DNAJB11: variants seen among roughly 807,000 people sequenced by gnomAD.
The protein encoded by DNAJB11 is DnaJ heat shock protein family (Hsp40) member B11.
A neutral mutation model predicts 47.2 loss-of-function variants in DNAJB11; 30 were observed. The ratio of observed to expected loss-of-function variants is 0.64; its 90% CI spans 0.48 to 0.86. DNAJB11 has a LOEUF of 0.86. Among genes scored for constraint, DNAJB11 ranks in the 40% least tolerant of loss-of-function variants. The pLI is 0.00. For synonymous variants in DNAJB11, 151 were observed against 159.9 expected (o/e 0.94, Z 0.42); for missense variants, 357 against 440.2 (o/e 0.81, Z 1.69).
At chr3:186,571,022 T>TGGGTGGGGGGGGGGG in intron 1 of DNAJB11, 57 bp downstream of exon 1, 2 of 208,304 alleles carry the variant, frequency 9.6e-6, no homozygotes, top group Non-Finnish European at 9.4e-6. Flanking sequence ...TGCTGGGGGG[T>TGGGTGGGGGGGGGGG]GGGAGGGGGT....
At chr3:186,575,617 A>T (rs533717384) in intron 2 of DNAJB11, among the ~76,000 whole-genome samples, 1 of 152,220 alleles carries the variant, frequency 6.6e-6, no homozygotes, top group Admixed American at 6.5e-5. Context: ...AGAACTTTAA[A>T]TTAAAAACAT....
intron 7 of DNAJB11, among the ~76,000 whole-genome samples, chr3:186,583,064 TGAA>T (rs753486578): frequency 6.6e-6 from 1 of 152,238 alleles, no homozygotes; most frequent in Non-Finnish European, 1.5e-5. Context: ...AGATTTTAGC[TGAA>T]GAAGTATGGC....
chr3:186,577,160 G>A (rs1205741392), intron 3 of DNAJB11, among the ~76,000 whole-genome samples: 1 of 152,106 alleles, frequency 6.6e-6, no homozygotes, highest in African/African-American at 2.4e-5. Flanking sequence ...CAAGATTTTT[G>A]TGTAGAGCAG....
At chr3:186,577,404 G>T (rs1329324185) in intron 3 of DNAJB11, among the ~76,000 whole-genome samples, 2 of 152,140 alleles carry the variant, frequency 1.3e-5, no homozygotes, top group African/African-American at 4.8e-5. Context: ...GTGTGTGTAT[G>T]TACTGTACTA....
intron 8 of DNAJB11, among the ~76,000 whole-genome samples, chr3:186,584,222 T>A (rs1469434921): frequency 1.3e-5 from 2 of 152,252 alleles, no homozygotes. Context: ...AAAACCTTTC[T>A]TTGTTTACTT....
chr3:186,582,138 A>G, intron 6 of DNAJB11, 61 bp downstream of exon 6: 1 of 1,251,866 alleles, frequency 8.0e-7, no homozygotes, highest in Non-Finnish European at 1.2e-6. Flanking sequence ...CTTGTTTGTG[A>G]ATACCTTTCA....
chr3:186,570,948 C>A lies in DNAJB11; in HGVS notation c.51C>A (p.Ile17=). The A allele has an allele frequency of 7.4e-7, 1 of 1,358,804 alleles. No homozygotes were observed. Among genetic ancestry groups the A allele is most frequent in the Non-Finnish European group, 9.8e-7 (1 of 1,023,338 alleles). The allele number at this position is 1,358,804 out of a possible 1,614,324, so 84.2% of individuals were successfully genotyped here. Reference sequence around the variant, plus strand: ...TTTGCCTGTTGCTGCTATACCTCATCGGGGCGGTGATTGCCGGGTGAGGAA... The same window carrying A: ...TTTGCCTGTTGCTGCTATACCTCATAGGGGCGGTGATTGCCGGGTGAGGAA... ...STFCLLLLYL[I]GAVIAGRDFY... The change falls in exon 1 of 10, where the codon ATC becomes ATA. Residue 17 remains isoleucine (I), a synonymous_variant. Transcript: ENST00000265028.
chr3:186,585,185 G>T (rs139798431), intron 9 of DNAJB11, among the ~76,000 whole-genome samples, 159 bp from the exon 10 acceptor site: 5 of 152,132 alleles, frequency 3.3e-5, no homozygotes, highest in African/African-American at 1.2e-4. Flanking sequence ...CATGTGTGGG[G>T]TTACCTACAT....
At chr3:186,581,101 A>G (rs563976579) in intron 4 of DNAJB11, 19 of 348,782 alleles carry the variant, frequency 5.4e-5, no homozygotes, top group Non-Finnish European at 4.2e-5. Context: ...GATATCATAC[A>G]CTTTATTTTT....
intron 5 of DNAJB11, 90 bp from the exon 6 acceptor site, chr3:186,581,905 C>G (rs755739463): frequency 3.7e-6 from 4 of 1,078,674 alleles, no homozygotes; most frequent in Middle Eastern, 2.5e-4. Context: ...CAAGAAAAAG[C>G]TCTGATAAAA....
In DNAJB11 at chr3:186,577,776, A is replaced by G; in HGVS notation, c.432A>G (p.Glu144=). ...IIVDLEVTLE[E]VYAGNFVEVV... ...TAGATCTAGAAGTCACTTTGGAAGA[A>G]GTATATGCAGGAAATTTTGTGGAAG... Residue 144 remains glutamate (E), a synonymous_variant, in exon 4 of 10, where the codon GAA becomes GAG. Transcript: ENST00000265028. The G allele has an allele frequency of 6.2e-7, 1 of 1,603,284 alleles. No homozygotes were observed. The highest frequency in any genetic ancestry group is 1.1e-5 in the South Asian group (1 of 88,358).
intron 9 of DNAJB11, 26 bp downstream of exon 9, chr3:186,584,615 GTGTGTGTT>G: frequency 6.6e-7 from 1 of 1,513,056 alleles, no homozygotes; most frequent in Admixed American, 2.4e-5. Context: ...GTGTGTGTGT[GTGTGTGTT>G]TGTGTGTGTG....
rs779151489 is a variant in DNAJB11 at position 186,584,500 on chromosome 3, A to G, written c.923A>G (p.Asn308Ser). 78 of 1,601,810 alleles carry G rather than the reference A, an allele frequency of 4.9e-5. No individual in the cohort carries two copies. In the Admixed American group the frequency reaches 1.1e-3, roughly 22 times the overall value. Residue 308 changes from asparagine (N) to serine (S), a missense_variant, in exon 9 of 10, where the codon AAC (asparagine) becomes AGC (serine). Asn to Ser is a conservative substitution (Grantham distance 46, BLOSUM62 1). Coordinates refer to ENST00000265028, the MANE Select transcript of DNAJB11 (RefSeq NM_016306.6). ...TGGAAGAAAGGGGAAGGGCTCCCCA[A>G]CTTTGACAACAACAATATCAAGGGC... ...KLWKKGEGLP[N>S]FDNNNIKGSL...
chr3:186,575,353 A>T (rs1715235589), intron 2 of DNAJB11, among the ~76,000 whole-genome samples: 1 of 109,520 alleles, frequency 9.1e-6, no homozygotes, highest in Non-Finnish European at 1.8e-5. Flanking sequence ...CTCCTAATAC[A>T]TGCGCGCGCG....
Position 186,570,742 on chromosome 3 carries a change from G to A in DNAJB11, c.-156G>A. 1.5e-6 allele frequency: 1 copy of A among 679,156 alleles called. No individual in the cohort carries two copies. The highest frequency in any genetic ancestry group is 2.5e-6 in the Non-Finnish European group (1 of 395,688). The allele number at this position is 679,156 out of a possible 1,614,324, so 42.1% of individuals were successfully genotyped here. ...GGGACTCCCGGGAAGTGGACCGGCA[G>A]AAGAGGGGGCTAGCTAGCTGTCTCT... is the stretch of plus-strand genomic sequence containing the variant. On this transcript the variant is annotated 5_prime_UTR_variant, in exon 1 of 10. Coordinates refer to ENST00000265028, the MANE Select transcript of DNAJB11 (RefSeq NM_016306.6).
At position 186,575,881 on chromosome 3, in the gene DNAJB11, T is replaced by C. The variant is rs774781101; in HGVS notation, c.267T>C (p.Tyr89=). 53 of 1,613,914 alleles carry C rather than the reference T, an allele frequency of 3.3e-5. No individual in the cohort carries two copies. Among genetic ancestry groups the C allele is most frequent in the Admixed American group, 5.0e-5 (3 of 60,004 alleles). The change falls in exon 3 of 10, where the codon TAT becomes TAC. Residue 89 remains tyrosine, a synonymous_variant. Transcript: ENST00000265028. ...AGAAACGGAAACAGTACGATACTTA[T>C]GGTGAAGAAGGATTAAAAGATGGTC... ...DSEKRKQYDT[Y]GEEGLKDGHQ... is the part of the protein sequence containing the mutation.
At chr3:186,584,112 C>G (rs1259664475) in intron 8 of DNAJB11, 136 bp downstream of exon 8, 12 of 695,820 alleles carry the variant, frequency 1.7e-5, no homozygotes, top group Non-Finnish European at 3.0e-5. Context: ...TGTACTTACT[C>G]TGCTGCTGAG....
chr3:186,574,089 A>G (rs975006043), intron 2 of DNAJB11, among the ~76,000 whole-genome samples: 5 of 152,256 alleles, frequency 3.3e-5, no homozygotes, highest in African/African-American at 1.2e-4. Flanking sequence ...GTTATGAAGA[A>G]TCTTTTGTGA....
intron 1 of DNAJB11, 34 bp from the exon 2 acceptor site, chr3:186,572,061 C>T (rs1010768921): frequency 6.6e-7 from 1 of 1,515,632 alleles, no homozygotes; most frequent in Admixed American, 2.3e-5. Flanking sequence ...ACATGTAACT[C>T]TTTAATGAAG....
Sources: gnomAD v4.1 joint callset for allele counts (sites outside exome capture counted in the v4.1 genomes callset) on GRCh38, gnomAD v4.1.1 for gene constraint, MANE v1.5 for transcripts, NCBI Gene and HGNC (gene_info 2026-07-23, HGNC 2026-07-21) for gene names.